The following WWOX variants were observed in gnomAD, a reference collection of about 807,000 sequenced individuals.
WWOX encodes the protein WW domain-containing oxidoreductase.
A neutral mutation model predicts 46.2 loss-of-function variants in WWOX; 69 were observed. The ratio of observed to expected loss-of-function variants is 1.49; its 90% CI spans 1.23 to 1.82. The LOEUF (loss-of-function observed/expected upper bound fraction) is 1.82. WWOX is among the 40% of genes most tolerant of loss of function. The pLI, the probability that WWOX is intolerant of heterozygous loss-of-function variation, is 0.00. For missense variants in WWOX, 919 were observed against 542.6 expected, an observed-to-expected ratio of 1.69 and a Z score of -6.89; for synonymous variants, 359 against 202.6, an observed-to-expected ratio of 1.77 and a Z score of -6.56.
At chr16:78,607,024 C>G (rs1597339497) in intron 8 of WWOX, among the ~76,000 whole-genome samples, 1 of 152,064 alleles carries the variant, frequency 6.6e-6, no homozygotes, top group African/African-American at 2.4e-5. Context: ...ACCTGGTGAA[C>G]TGAATAGAGT....
chr16:78,679,969 G>C (rs1385726430), intron 8 of WWOX, among the ~76,000 whole-genome samples: 2 of 152,196 alleles, frequency 1.3e-5, no homozygotes, highest in African/African-American at 4.8e-5. Context: ...AGCAGACCTG[G>C]CTTAGGACCC....
chr16:78,665,410 C>G (rs1476969334), intron 8 of WWOX, among the ~76,000 whole-genome samples: 1 of 152,052 alleles, frequency 6.6e-6, no homozygotes, highest in Non-Finnish European at 1.5e-5. Context: ...CTGAATATAA[C>G]TATTGAGTTT....
intron 1 of WWOX, among the ~76,000 whole-genome samples, chr16:78,101,346 C>T (rs1193249580): frequency 7.5e-5 from 5 of 66,846 alleles, no homozygotes; most frequent in South Asian, 8.0e-4. Context: ...CGCTCCCGGC[C>T]TTTTTTTTTT....
intron 8 of WWOX, among the ~76,000 whole-genome samples, chr16:78,961,461 A>G (rs571448063): frequency 4.0e-5 from 6 of 151,414 alleles, no homozygotes; most frequent in Non-Finnish European, 8.9e-5. Context: ...GGATGGGTGG[A>G]TGGATGGATG....
intron 8 of WWOX, among the ~76,000 whole-genome samples, chr16:79,083,396 C>T (rs1471927116): frequency 1.3e-5 from 2 of 152,104 alleles, no homozygotes; most frequent in Non-Finnish European, 2.9e-5. Flanking sequence ...CCCTGAGTGA[C>T]CACAGTCAAC....
chr16:78,910,206 C>T (rs536386231), intron 8 of WWOX, among the ~76,000 whole-genome samples: 31 of 152,276 alleles, frequency 2.0e-4, no homozygotes, highest in Admixed American at 5.9e-4. Context: ...GCCAAAGAAG[C>T]ATGAACTGTC....
chr16:78,182,460 A>T (rs1830767641), intron 5 of WWOX, among the ~76,000 whole-genome samples: 1 of 151,842 alleles, frequency 6.6e-6, no homozygotes, highest in Non-Finnish European at 1.5e-5. Flanking sequence ...GAAGGGTCTC[A>T]GCTAAGCTTT....
intron 4 of WWOX, among the ~76,000 whole-genome samples, chr16:78,158,773 A>G (rs900090757): frequency 5.3e-5 from 8 of 152,158 alleles, no homozygotes; most frequent in African/African-American, 1.7e-4. Context: ...TATTTGATGT[A>G]TAGAACTTGA....
chr16:78,165,209 T>C lies in WWOX; in HGVS notation c.516+920T>C, dbSNP rs149824269. The stretch of plus-strand genomic sequence containing the variant: ...AGAGTGATGCGAGCTGTTTGATTTT[T>C]GAAACATCGCTGGATTTCAGAATGA... On this transcript the variant is annotated intron_variant, in intron 5 of 8. Transcript: ENST00000566780. Among the ~76,000 whole-genome samples the C allele has an allele frequency of 5.6e-3, 860 of 152,304 alleles. 5 individuals carry two copies. Among genetic ancestry groups the C allele is most frequent in the Middle Eastern group, 0.024 (7 of 294 alleles).
chr16:78,414,261 A>G (rs529266300), intron 6 of WWOX, among the ~76,000 whole-genome samples: 1 of 152,110 alleles, frequency 6.6e-6, no homozygotes, highest in Admixed American at 6.5e-5. Flanking sequence ...GTCTGCCTGC[A>G]CTCAGGTGAT....
At chr16:78,705,901 T>C (rs1378458164) in intron 8 of WWOX, among the ~76,000 whole-genome samples, 1 of 152,174 alleles carries the variant, frequency 6.6e-6, no homozygotes, top group Non-Finnish European at 1.5e-5. Context: ...TATGACCTGC[T>C]AGATATAAGC....
At chr16:78,320,821 A>C (rs1209064681) in intron 5 of WWOX, among the ~76,000 whole-genome samples, 1 of 152,276 alleles carries the variant, frequency 6.6e-6, no homozygotes, top group South Asian at 2.1e-4. Context: ...ACATCATCTC[A>C]TCTGTACTAA....
chr16:78,103,690 C>G (rs2031950252), intron 1 of WWOX, among the ~76,000 whole-genome samples: 1 of 152,102 alleles, frequency 6.6e-6, no homozygotes, highest in Non-Finnish European at 1.5e-5. Flanking sequence ...ACTTGTTTTT[C>G]TCTTGGGGTT....
chr16:78,774,255 G>A (rs532573995), intron 8 of WWOX, among the ~76,000 whole-genome samples: 55 of 152,240 alleles, frequency 3.6e-4, no homozygotes, highest in African/African-American at 1.3e-3. Context: ...ACAAAAATTA[G>A]CTGGGCGTGG....
In WWOX at chr16:78,532,196, T is replaced by C. The variant is rs1597222273; in HGVS notation, c.1056+99444T>C. ...CCTTTCTGTTATAAAATCATGTTTT[T>C]ATTGAATTACATTTTAATATTGGTA... On this transcript the variant is annotated intron_variant, in intron 8 of 8. Coordinates refer to ENST00000566780, the MANE Select transcript of WWOX (RefSeq NM_016373.4). 2.6e-5 allele frequency among the ~76,000 whole-genome samples: 4 copies of C among 152,164 alleles called. No homozygotes were observed. The South Asian group carries it at 8.3e-4, about 31-fold the overall frequency.
At position 79,211,664 on chromosome 16, in the gene WWOX, G is replaced by C; in HGVS notation, c.1113G>C (p.Leu371=). 1.2e-6 allele frequency: 2 copies of C among 1,614,166 alleles called. No individual in the cohort carries two copies. Among genetic ancestry groups the C allele is most frequent in the Middle Eastern group, 1.6e-4 (1 of 6,062 alleles). ...CTGCTGTCCCAGAACTGGAGGGTCT[G>C]GGAGGGATGTACTTCAACAACTGCT... ...YCAAVPELEG[L]GGMYFNNCCR... The change falls in exon 9 of 9, where the codon CTG becomes CTC. Residue 371 remains leucine (L), a synonymous_variant. Coordinates refer to ENST00000566780, the MANE Select transcript of WWOX (RefSeq NM_016373.4).
At chr16:78,235,698 C>A (rs2037411996) in intron 5 of WWOX, among the ~76,000 whole-genome samples, 1 of 151,320 alleles carries the variant, frequency 6.6e-6, no homozygotes, top group African/African-American at 2.4e-5. Flanking sequence ...TTGGACAAGG[C>A]TTTCCAGCCA....
intron 8 of WWOX, among the ~76,000 whole-genome samples, chr16:78,710,518 TA>T (rs2142322232): frequency 1.0e-5 from 1 of 98,904 alleles, no homozygotes; most frequent in East Asian, 2.8e-4. Context: ...ATATATTTTA[TA>T]TTTAAAAATA....
intron 8 of WWOX, among the ~76,000 whole-genome samples, chr16:78,853,282 G>A (rs931868310): frequency 2.2e-4 from 34 of 151,954 alleles, no homozygotes; most frequent in Admixed American, 1.2e-3. Context: ...GTGCAGTGGC[G>A]TGATCTCGGC....
Sources: gnomAD v4.1 joint callset for allele counts (sites outside exome capture counted in the v4.1 genomes callset) on GRCh38, gnomAD v4.1.1 for gene constraint, MANE v1.5 for transcripts, NCBI Gene and HGNC (gene_info 2026-07-23, HGNC 2026-07-21) for gene names.